MYCBP2: variants seen among roughly 807,000 people sequenced by gnomAD.
The protein encoded by MYCBP2 is E3 ubiquitin-protein ligase MYCBP2.
Under a neutral mutation model 525.3 loss-of-function variants are expected in MYCBP2, and 120 were observed. That is an observed-to-expected ratio of 0.23 (90% CI 0.20 to 0.27). MYCBP2 has a LOEUF of 0.27. Among genes scored for constraint, MYCBP2 ranks in the 10% least tolerant of loss-of-function variants. MYCBP2 has a pLI of 1.00. For synonymous variants in MYCBP2, 1,894 were observed against 1,955.8 expected, an observed-to-expected ratio of 0.97 and a Z score of 0.83; for missense variants, 4,149 against 5,657.1, an observed-to-expected ratio of 0.73 and a Z score of 8.55.
intron 40 of MYCBP2, 80 bp from the exon 41 acceptor site, chr13:77,166,634 G>A (rs2058548521): frequency 1.2e-6 from 1 of 863,626 alleles, no homozygotes; most frequent in Non-Finnish European, 1.7e-6. Flanking sequence ...ATGTGTGTGT[G>A]TGTCTATGCT....
intron 26 of MYCBP2, among the ~76,000 whole-genome samples, chr13:77,196,043 A>G (rs577726588): frequency 6.6e-6 from 1 of 152,322 alleles, no homozygotes; most frequent in African/African-American, 2.4e-5. Context: ...GAGTAAGTCT[A>G]TGGTTGGGAA....
intron 20 of MYCBP2, among the ~76,000 whole-genome samples, chr13:77,218,736 C>T (rs1002427222): frequency 4.6e-5 from 7 of 152,138 alleles, no homozygotes; most frequent in African/African-American, 1.7e-4. Flanking sequence ...AAATGACATC[C>T]TAGTATCCTT....
rs1337050418 is a variant in MYCBP2 at position 77,194,182 on chromosome 13, A to G, written c.3906T>C (p.Thr1302=). The part of the protein sequence containing the change: ...HETDGDLLAE[T]DVLAYDCAAR... Reference sequence around the variant, plus strand: ...CAGCACAGTCATAAGCCAATACATCAGTCTCTGCAAGAAGGTCACCATCAG... The same window carrying G: ...CAGCACAGTCATAAGCCAATACATCGGTCTCTGCAAGAAGGTCACCATCAG... The change falls in exon 27 of 83, where the codon ACT becomes ACC. Residue 1302 remains threonine (T), a synonymous_variant. Transcript: ENST00000544440. The G allele has an allele frequency of 1.2e-6, 2 of 1,613,320 alleles. No individual in the cohort carries two copies. The highest frequency in any genetic ancestry group is 2.2e-5 in the South Asian group (2 of 91,026).
At chr13:77,271,679 C>T (rs1402677981) in intron 5 of MYCBP2, among the ~76,000 whole-genome samples, 2 of 152,184 alleles carry the variant, frequency 1.3e-5, no homozygotes, top group Non-Finnish European at 2.9e-5. Context: ...TTGCCTGCTG[C>T]CATCCACGTA....
At position 77,061,228 on chromosome 13, in the gene MYCBP2, A is replaced by G. The variant is rs1285231210; in HGVS notation, c.12977T>C (p.Leu4326Ser). Residue 4326 changes from leucine (L) to serine (S), a missense_variant, in exon 76 of 83, where the codon TTG becomes TCG. Transcript: ENST00000544440. The stretch of plus-strand genomic sequence containing the variant: ...TGTTTTAGAATCTGCCAGTGCCATC[A>G]ACCAGAACAATTTGGTTCTACCACA... ...EGCGRTKLFWLMALADSKTMK... is the reference protein window; with the variant it reads ...EGCGRTKLFWSMALADSKTMK... 1.1e-5 allele frequency: 18 copies of G among 1,612,736 alleles called. No individual in the cohort carries two copies. The highest frequency in any genetic ancestry group is 1.4e-5 in the Non-Finnish European group (17 of 1,179,412).
intron 4 of MYCBP2, 78 bp from the exon 5 acceptor site, chr13:77,273,746 T>G (rs1395555928): frequency 1.7e-6 from 2 of 1,152,328 alleles, no homozygotes; most frequent in East Asian, 5.7e-5. Flanking sequence ...ATTTTTACTT[T>G]GTCTCATTAT....
chr13:77,087,478 A>T lies in MYCBP2; in HGVS notation c.10875+6T>A. On this transcript the variant is annotated splice_donor_region_variant and intron_variant, in intron 62 of 82. Coordinates refer to ENST00000544440, the MANE Select transcript of MYCBP2 (RefSeq NM_015057.5). ...TATGCACAATCAAAACAAAAATTTC[A>T]TTTACTTGTTCTGAATTTTCTTTGC... 6.2e-7 allele frequency: 1 copy of T among 1,602,406 alleles called. No individual in the cohort carries two copies. Among genetic ancestry groups the T allele is most frequent in the Non-Finnish European group, 8.5e-7 (1 of 1,173,022 alleles).
At position 77,121,406 on chromosome 13, in the gene MYCBP2, G is replaced by T; in HGVS notation, c.8107C>A (p.Gln2703Lys). 1.3e-6 allele frequency: 2 copies of T among 1,593,880 alleles called. No individual in the cohort carries two copies. Among genetic ancestry groups the T allele is most frequent in the South Asian group, 2.3e-5 (2 of 88,350 alleles). Residue 2703 changes from glutamine to lysine, a missense_variant, in exon 55 of 83, where the codon CAA becomes AAA. This residue lies in a region of MYCBP2 where 653 missense variants were observed against 744.7 expected (regional missense o/e 0.88). Coordinates refer to ENST00000544440, the MANE Select transcript of MYCBP2 (RefSeq NM_015057.5). ...TTTCCGAGTCCATAATCAAATCCTT[G>T]GGCACTGCAACTTGCCCCTTTATTA... ...AFNKGASCSA[Q>K]GFDYGLGNSK...
chr13:77,076,620 T>G (rs1242462512), intron 68 of MYCBP2, 131 bp downstream of exon 68: 6 of 571,858 alleles, frequency 1.0e-5, no homozygotes, highest in Non-Finnish European at 1.8e-5. Context: ...CCTTCATCTT[T>G]CTAAGAACAA....
chr13:77,243,441 C>T (rs966093649), intron 16 of MYCBP2, among the ~76,000 whole-genome samples: 6 of 151,856 alleles, frequency 4.0e-5, no homozygotes, highest in African/African-American at 1.2e-4. Flanking sequence ...GGTGAAACCC[C>T]GTCTCTACTA....
chr13:77,225,338 A>T, intron 19 of MYCBP2, 97 bp downstream of exon 19: 2 of 1,508,410 alleles, frequency 1.3e-6, no homozygotes, highest in Non-Finnish European at 1.8e-6. Flanking sequence ...ACAGCTTTTA[A>T]CACACAGTTA....
At position 77,068,938 on chromosome 13, in the gene MYCBP2, T is replaced by C; in HGVS notation, c.11905-107A>G. The C allele has an allele frequency of 4.7e-6, 5 of 1,074,590 alleles. 1 individual carries two copies. The South Asian group carries it at 7.5e-5, about 16-fold the overall frequency. The allele number at this position is 1,074,590 out of a possible 1,614,324, so 66.6% of individuals were successfully genotyped here. ...ATAAGACAAGAATGTAAATTGATAC[T>C]CAATTTAATACTATTCTCCCAGTTA... On this transcript the variant is annotated intron_variant, in intron 69 of 82. Transcript: ENST00000544440.
chr13:77,183,211 CTTAG>C (rs2060378738), intron 32 of MYCBP2, among the ~76,000 whole-genome samples: 1 of 152,072 alleles, frequency 6.6e-6, no homozygotes, highest in South Asian at 2.1e-4. Flanking sequence ...CTTGTAGTAT[CTTAG>C]TTAGGTTTTG....
intron 23 of MYCBP2, 93 bp from the exon 24 acceptor site, chr13:77,206,918 T>C: frequency 8.9e-7 from 1 of 1,125,486 alleles, no homozygotes; most frequent in Non-Finnish European, 1.2e-6. Context: ...AGAGAATAAA[T>C]AATATAGTCA....
At chr13:77,108,336 CA>C (rs2048182447) in intron 55 of MYCBP2, among the ~76,000 whole-genome samples, 1 of 152,126 alleles carries the variant, frequency 6.6e-6, no homozygotes, top group South Asian at 2.1e-4. Context: ...CGTATCATTT[CA>C]GGGTTTGTGA....
intron 4 of MYCBP2, among the ~76,000 whole-genome samples, chr13:77,277,138 GAAAT>G (rs1229078638): frequency 2.0e-5 from 3 of 152,150 alleles, no homozygotes; most frequent in Admixed American, 6.5e-5. Flanking sequence ...TAGGAGGAAA[GAAAT>G]AACATGTTCA....
chr13:77,326,740 G>A lies in MYCBP2; in HGVS notation c.36C>T (p.Ala12=), dbSNP rs1363681553. 7 of 1,409,928 alleles carry A rather than the reference G, an allele frequency of 5.0e-6. No individual in the cohort carries two copies. The highest frequency in any genetic ancestry group is 6.4e-6 in the Non-Finnish European group (7 of 1,095,524). 87.3% of individuals were successfully genotyped at this position (1,409,928 alleles called of 1,614,324 possible). The change falls in exon 1 of 83, where the codon GCC becomes GCT. Residue 12 remains alanine, a synonymous_variant. Coordinates refer to ENST00000544440, the MANE Select transcript of MYCBP2 (RefSeq NM_015057.5). The surrounding 1 kb of genome is among the most constrained non-coding windows in gnomAD (Gnocchi z 4.2). The part of the protein sequence containing the change: ...MMCAATASPA[A]ASSGLGGDGF... The stretch of plus-strand genomic sequence containing the variant: ...CGTCCCCGCCGAGCCCCGAGGAGGC[G>A]GCGGCGGGGGAGGCAGTCGCTGCGC...
chr13:77,151,446 C>G lies in MYCBP2; in HGVS notation c.6916-497G>C, dbSNP rs145445811. Among the ~76,000 whole-genome samples, 289 of 152,226 alleles carry G rather than the reference C, an allele frequency of 1.9e-3. 1 individual carries two copies. The highest frequency in any genetic ancestry group is 6.0e-3 in the East Asian group (31 of 5,190). ...AATAAAACAAATCTTATACCTAAAG[C>G]CCAAATATGTTTCTTTACTCGGGTG... On this transcript the variant is annotated intron_variant, in intron 46 of 82. Transcript: ENST00000544440.
chr13:77,108,552 A>T (rs1040543409), intron 55 of MYCBP2, among the ~76,000 whole-genome samples: 2 of 152,202 alleles, frequency 1.3e-5, no homozygotes, highest in Non-Finnish European at 2.9e-5. Context: ...TATACATCAG[A>T]GAAATCAGAC....
Sources: gnomAD v4.1 joint callset for allele counts (sites outside exome capture counted in the v4.1 genomes callset) on GRCh38, gnomAD v4.1.1 for gene constraint, gnomAD v4.1.1 regional missense constraint, Gnocchi (gnomAD v3.1) non-coding constraint, MANE v1.5 for transcripts, NCBI Gene and HGNC (gene_info 2026-07-23, HGNC 2026-07-21) for gene names.